Variants in ITGA9 observed in about 807,000 individuals in gnomAD.
ITGA9 encodes integrin subunit alpha 9.
ITGA9 carries 56 observed loss-of-function variants against 127.8 expected under a neutral mutation model. That is an observed-to-expected ratio of 0.44 (90% CI 0.35 to 0.55). The LOEUF (loss-of-function observed/expected upper bound fraction) is 0.55, where lower values mean the gene tolerates loss of function less well. ITGA9 is among the 20% of genes least tolerant of loss of function. The pLI, the probability that ITGA9 is intolerant of heterozygous loss-of-function variation, is 0.00. For synonymous variants in ITGA9, 508 were observed against 514.5 expected (o/e 0.99, Z 0.17); for missense variants, 1,196 against 1,347.1 (o/e 0.89, Z 1.76).
intron 15 of ITGA9, among the ~76,000 whole-genome samples, chr3:37,610,773 G>A (rs947947481): frequency 1.3e-5 from 2 of 152,118 alleles, no homozygotes; most frequent in Admixed American, 6.6e-5. Flanking sequence ...ACCCTTTCCC[G>A]CAAAGAGGAG....
chr3:37,643,555 T>G (rs1700351912), intron 16 of ITGA9, among the ~76,000 whole-genome samples: 1 of 152,256 alleles, frequency 6.6e-6, no homozygotes, highest in South Asian at 2.1e-4. Context: ...AAACCCTTTT[T>G]AGAAGAAAAT....
At chr3:37,455,589 G>C (rs1698247207) in intron 1 of ITGA9, among the ~76,000 whole-genome samples, 1 of 152,190 alleles carries the variant, frequency 6.6e-6, no homozygotes, top group East Asian at 1.9e-4. Flanking sequence ...AGACATGAAA[G>C]GGAAAAGCAG....
intron 18 of ITGA9, among the ~76,000 whole-genome samples, chr3:37,688,619 C>T (rs964531424): frequency 1.3e-5 from 2 of 152,170 alleles, no homozygotes; most frequent in African/African-American, 4.8e-5. Context: ...CCCCAGACCC[C>T]TGGCTCACCA....
chr3:37,744,307 G>A (rs1051110868), intron 22 of ITGA9, among the ~76,000 whole-genome samples: 14 of 152,180 alleles, frequency 9.2e-5, no homozygotes, highest in African/African-American at 3.4e-4. Flanking sequence ...TGTGGTGGAG[G>A]CCTCAGCCAA....
Position 37,613,524 on chromosome 3 carries a change from G to T in ITGA9, c.1690-15663G>T, listed in dbSNP as rs1475274094. ...AAATGGTATTTCTAGTTCTAGATCT[G>T]TGAGGAATCACCACACTGACTTCCA... On this transcript the variant is annotated intron_variant, in intron 15 of 27. Coordinates refer to ENST00000264741, the MANE Select transcript of ITGA9 (RefSeq NM_002207.3). Among the ~76,000 whole-genome samples, 18 of 152,256 alleles carry T rather than the reference G, an allele frequency of 1.2e-4. No individual in the cohort carries two copies. The South Asian group carries it at 3.3e-3, about 28-fold the overall frequency.
intron 12 of ITGA9, among the ~76,000 whole-genome samples, 190 bp from the exon 13 acceptor site, chr3:37,525,836 G>C (rs1010753847): frequency 6.6e-6 from 1 of 152,134 alleles, no homozygotes; most frequent in Admixed American, 6.5e-5. Context: ...AGTAGCCTGC[G>C]TAGGGATTGG....
intron 15 of ITGA9, among the ~76,000 whole-genome samples, chr3:37,586,904 C>T (rs1699764876): frequency 6.6e-6 from 1 of 152,140 alleles, no homozygotes; most frequent in African/African-American, 2.4e-5. Flanking sequence ...ATCCCAAATC[C>T]ACACCCTTTC....
intron 19 of ITGA9, among the ~76,000 whole-genome samples, chr3:37,735,175 T>C (rs1182295487): frequency 2.0e-5 from 3 of 152,248 alleles, no homozygotes; most frequent in Non-Finnish European, 4.4e-5. Context: ...ATCCCTGATT[T>C]TGGCTTCTCA....
At chr3:37,538,557 C>T (rs1699234795) in intron 14 of ITGA9, among the ~76,000 whole-genome samples, 2 of 152,238 alleles carry the variant, frequency 1.3e-5, no homozygotes, top group South Asian at 2.1e-4. Flanking sequence ...TGGCTTACCT[C>T]ATGGCCGGCT....
chr3:37,780,265 C>G (rs1360280383), intron 25 of ITGA9, among the ~76,000 whole-genome samples: 1 of 151,972 alleles, frequency 6.6e-6, no homozygotes, highest in Non-Finnish European at 1.5e-5. Flanking sequence ...TTTAGTGTAC[C>G]CAATAGTGAA....
intron 19 of ITGA9, among the ~76,000 whole-genome samples, chr3:37,736,615 G>A (rs1696365799): frequency 6.6e-6 from 1 of 152,156 alleles, no homozygotes; most frequent in Non-Finnish European, 1.5e-5. Context: ...TTGAAAAGAT[G>A]GTATGTGAGT....
intron 15 of ITGA9, among the ~76,000 whole-genome samples, chr3:37,614,525 G>C (rs1378615290): frequency 3.3e-5 from 5 of 151,254 alleles, no homozygotes; most frequent in Non-Finnish European, 7.4e-5. Flanking sequence ...GCTTGATGGG[G>C]ATGGCATTGA....
intron 17 of ITGA9, among the ~76,000 whole-genome samples, chr3:37,669,396 A>C (rs1175880722): frequency 1.3e-5 from 2 of 152,172 alleles, no homozygotes; most frequent in African/African-American, 4.8e-5. Flanking sequence ...CCCTGTGCCC[A>C]CAGCCTTGGT....
At chr3:37,751,661 A>C (rs1214659789) in intron 23 of ITGA9, among the ~76,000 whole-genome samples, 4 of 152,130 alleles carry the variant, frequency 2.6e-5, no homozygotes, top group African/African-American at 4.8e-5. Flanking sequence ...TCACACTTAC[A>C]AATAGCTGGC....
chr3:37,603,130 A>G (rs1699937311), intron 15 of ITGA9, among the ~76,000 whole-genome samples: 1 of 152,194 alleles, frequency 6.6e-6, no homozygotes, highest in Non-Finnish European at 1.5e-5. Flanking sequence ...CAGCCACTCA[A>G]GTATCTTTAA....
rs1164377065 is a variant in ITGA9 at position 37,542,439 on chromosome 3, C to G, written c.1543C>G (p.Leu515Val). ...TTTATTGGCAGGCCTGAATTATGTT[C>G]TGATGGCTGACGTGGCCAAAAAGGA... is the stretch of plus-strand genomic sequence containing the variant. ...VPGEIGLNYV[L>V]MADVAKKEKG... Residue 515 changes from leucine to valine, a missense_variant, in exon 15 of 28, where the codon CTG becomes GTG. By Grantham distance (32) the Leu-to-Val change is conservative (BLOSUM62 1). Transcript: ENST00000264741. 2.5e-6 allele frequency: 4 copies of G among 1,613,568 alleles called. No homozygotes were observed. Among genetic ancestry groups the G allele is most frequent in the African/African-American group, 2.7e-5 (2 of 74,918 alleles).
chr3:37,668,748 A>G lies in ITGA9; in HGVS notation c.1916+14958A>G, dbSNP rs182675822. Among the ~76,000 whole-genome samples, 4 of 152,204 alleles carry G rather than the reference A, an allele frequency of 2.6e-5. No individual in the cohort carries two copies. The East Asian group carries it at 7.7e-4, about 29-fold the overall frequency. ...CACCCTCTCATCAGCACCCCTCCCA[A>G]GTTTGTTCTGAGCCACCTGATATAA... On this transcript the variant is annotated intron_variant, in intron 17 of 27. Transcript: ENST00000264741.
Position 37,671,387 on chromosome 3 carries a change from T to C in ITGA9, c.1917-12478T>C, listed in dbSNP as rs1034738826. On this transcript the variant is annotated intron_variant, in intron 17 of 27. Coordinates refer to ENST00000264741, the MANE Select transcript of ITGA9 (RefSeq NM_002207.3). ...CCCACTGACTGGCTTATTTGCCTTG[T>C]TAGAAAGAGGATGGCCTTTGAAGCA... 2.0e-5 allele frequency among the ~76,000 whole-genome samples: 3 copies of C among 152,208 alleles called. No individual in the cohort carries two copies. In the East Asian group the frequency reaches 5.8e-4, roughly 29 times the overall value.
Position 37,669,571 on chromosome 3 carries a change from A to G in ITGA9, c.1917-14294A>G, listed in dbSNP as rs191280589. The stretch of plus-strand genomic sequence containing the variant: ...TTAGATCTCCTGTCCGGGCAGGCTG[A>G]TTGCTTTTTAGGATTCCAAGTTTCA... On this transcript the variant is annotated intron_variant, in intron 17 of 27. Coordinates refer to ENST00000264741, the MANE Select transcript of ITGA9 (RefSeq NM_002207.3). 3.1e-3 allele frequency among the ~76,000 whole-genome samples: 467 copies of G among 152,188 alleles called. 4 individuals are homozygous for G. The highest frequency in any genetic ancestry group is 0.01 in the Middle Eastern group (3 of 294).
Sources: gnomAD v4.1 joint callset for allele counts (sites outside exome capture counted in the v4.1 genomes callset) on GRCh38, gnomAD v4.1.1 for gene constraint, MANE v1.5 for transcripts, NCBI Gene and HGNC (gene_info 2026-07-23, HGNC 2026-07-21) for gene names.